Variants in TYW1 observed in about 807,000 individuals in gnomAD.
TYW1 encodes the protein tRNA-yW synthesizing protein 1 homolog, also known as S-adenosyl-L-methionine-dependent tRNA 4-demethylwyosine synthase TYW1.
A neutral mutation model predicts 96.2 loss-of-function variants in TYW1; 46 were observed. That is an observed-to-expected ratio of 0.48 (90% CI 0.38 to 0.61). The LOEUF (loss-of-function observed/expected upper bound fraction) is 0.61, where lower values mean the gene tolerates loss of function less well. Ranked by LOEUF, TYW1 falls within the 20% of genes least tolerant of loss-of-function variation. The pLI is 0.00. For missense variants in TYW1, 684 were observed against 909.6 expected (o/e 0.75, Z 3.19); for synonymous variants, 274 against 323.0 (o/e 0.85, Z 1.63).
chr7:67,000,241 C>T (rs1793337037), intron 3 of TYW1, among the ~76,000 whole-genome samples: 1 of 151,762 alleles, frequency 6.6e-6, no homozygotes, highest in African/African-American at 2.4e-5. Flanking sequence ...CAGTCCCATT[C>T]TCTAATTATA....
chr7:67,064,856 A>G (rs1163044533), intron 9 of TYW1, among the ~76,000 whole-genome samples: 2 of 152,254 alleles, frequency 1.3e-5, no homozygotes, highest in African/African-American at 4.8e-5. Context: ...ACCAACAGAA[A>G]AAAATAAAAG....
intron 13 of TYW1, among the ~76,000 whole-genome samples, chr7:67,172,261 C>T (rs184285650): frequency 1.0e-3 from 154 of 150,684 alleles, no homozygotes; most frequent in African/African-American, 3.5e-3. Context: ...TAGTGATTGA[C>T]GCAGGCATGC....
intron 10 of TYW1, among the ~76,000 whole-genome samples, chr7:67,075,501 A>G (rs748151194): frequency 5.3e-5 from 8 of 152,240 alleles, no homozygotes; most frequent in Non-Finnish European, 7.3e-5. Flanking sequence ...TTAACTGATG[A>G]ACATGTGGTG....
At chr7:67,136,650 CGTGTGTGTGTGTGTGTGTGTGT>C (rs59522817) in intron 13 of TYW1, among the ~76,000 whole-genome samples, 2 of 143,964 alleles carry the variant, frequency 1.4e-5, no homozygotes, top group African/African-American at 2.5e-5. Context: ...TTATACAGTG[CGTGTGTGTGTGTGTGTGTGTGT>C]GTGTGTGTGT....
At chr7:67,008,990 T>G (rs1793696999) in intron 3 of TYW1, among the ~76,000 whole-genome samples, 1 of 152,078 alleles carries the variant, frequency 6.6e-6, no homozygotes, top group Admixed American at 6.6e-5. Context: ...TTTGCACTTC[T>G]CTGTGTTTAT....
chr7:67,038,236 G>A (rs960532685), intron 7 of TYW1, among the ~76,000 whole-genome samples: 1 of 152,172 alleles, frequency 6.6e-6, no homozygotes, highest in African/African-American at 2.4e-5. Flanking sequence ...TTGGGAGGCA[G>A]GGGTTGCAGT....
intron 13 of TYW1, among the ~76,000 whole-genome samples, chr7:67,173,541 G>A (rs1273922846): frequency 6.6e-6 from 1 of 152,136 alleles, no homozygotes; most frequent in Non-Finnish European, 1.5e-5. Flanking sequence ...AGATTGATTA[G>A]TAGATTTTCT....
chr7:67,111,010 A>G (rs1337913609), intron 12 of TYW1, among the ~76,000 whole-genome samples: 1 of 152,100 alleles, frequency 6.6e-6, no homozygotes, highest in African/African-American at 2.4e-5. Context: ...GTCGCAAAAA[A>G]TAAATAAAAA....
At chr7:67,233,699 C>T (rs557611494) in intron 15 of TYW1, among the ~76,000 whole-genome samples, 2 of 136,174 alleles carry the variant, frequency 1.5e-5, no homozygotes, top group Admixed American at 7.4e-5. Flanking sequence ...TGTCTCTCAG[C>T]GCTGTTTGTG....
chr7:67,145,709 G>A (rs1798589017), intron 13 of TYW1, among the ~76,000 whole-genome samples: 1 of 152,060 alleles, frequency 6.6e-6, no homozygotes, highest in Admixed American at 6.6e-5. Flanking sequence ...ATTTCAAGTA[G>A]TATTTTTCAA....
Position 67,049,688 on chromosome 7 carries a change from A to G in TYW1, c.985-261A>G, listed in dbSNP as rs960892211. Among the ~76,000 whole-genome samples, 10 of 152,188 alleles carry G rather than the reference A, an allele frequency of 6.6e-5. No individual in the cohort carries two copies. In the South Asian group the frequency reaches 1.9e-3, roughly 28 times the overall value. On this transcript the variant is annotated intron_variant, in intron 7 of 15. Coordinates refer to ENST00000359626, the MANE Select transcript of TYW1 (RefSeq NM_018264.4). The stretch of plus-strand genomic sequence containing the variant: ...CAGCCTCCTGAGTAGCTGGGATTAC[A>G]GGTGTGAGCCACCATCCCCAGCTAA...
At position 67,149,723 on chromosome 7, in the gene TYW1, TATCTATCTATCTATC is replaced by T. The variant is rs1798733131; in HGVS notation, c.1698+32106_1698+32120del. ...GAGCTTGTCAAAAAAGGAAAAAAAA[TATCTATCTATCTATC>T]TATCTATCTATCTATCTATCTATCT... On this transcript the variant is annotated intron_variant, in intron 13 of 15. Coordinates refer to ENST00000359626, the MANE Select transcript of TYW1 (RefSeq NM_018264.4). 2.5e-4 allele frequency among the ~76,000 whole-genome samples: 4 copies of T among 15,916 alleles called. 1 individual carries two copies. In the Admixed American group the frequency reaches 3.6e-3, roughly 14 times the overall value. The allele number at this position is 15,916 out of a possible 152,430, so 10.4% of individuals were successfully genotyped here. A position where few individuals can be genotyped will look rare whatever the true frequency, so the allele number is the denominator to read the frequency against.
At chr7:67,145,340 G>A (rs1406698846) in intron 13 of TYW1, among the ~76,000 whole-genome samples, 5 of 151,654 alleles carry the variant, frequency 3.3e-5, no homozygotes, top group South Asian at 2.1e-4. Context: ...TAATAGAGAC[G>A]GGGTTTCACC....
intron 12 of TYW1, among the ~76,000 whole-genome samples, chr7:67,112,399 T>C (rs1436362063): frequency 6.6e-6 from 1 of 152,058 alleles, no homozygotes; most frequent in East Asian, 1.9e-4. Flanking sequence ...GCAGATCACC[T>C]GAGGCCAGGA....
At chr7:67,126,425 G>A (rs1429014383) in intron 13 of TYW1, among the ~76,000 whole-genome samples, 1 of 152,050 alleles carries the variant, frequency 6.6e-6, no homozygotes, top group Non-Finnish European at 1.5e-5. Context: ...CCAGTCTGTA[G>A]CTTGTCTTTT....
intron 14 of TYW1, among the ~76,000 whole-genome samples, chr7:67,183,561 TG>T (rs952987550): frequency 6.6e-6 from 1 of 152,216 alleles, no homozygotes; most frequent in Admixed American, 6.5e-5. Flanking sequence ...AGTAATTGGT[TG>T]GCTTTTACAT....
chr7:67,094,957 T>C (rs957513879), intron 11 of TYW1, among the ~76,000 whole-genome samples: 1 of 151,628 alleles, frequency 6.6e-6, no homozygotes, highest in African/African-American at 2.4e-5. Flanking sequence ...CTGGTGGAGA[T>C]TGCTGGTGGG....
At chr7:67,032,831 GTCTT>G (rs1794709404) in intron 7 of TYW1, among the ~76,000 whole-genome samples, 2 of 138,228 alleles carry the variant, frequency 1.4e-5, no homozygotes, top group African/African-American at 5.5e-5. Context: ...AAGTGTACTT[GTCTT>G]TCTTTTTCCT....
At chr7:67,187,667 A>G (rs1187970836) in intron 14 of TYW1, among the ~76,000 whole-genome samples, 1 of 152,358 alleles carries the variant, frequency 6.6e-6, no homozygotes, top group Middle Eastern at 3.4e-3. Context: ...TTATTATGCA[A>G]TTCCATTTTT....
Sources: allele counts gnomAD v4.1 joint callset (sites outside exome capture counted in the v4.1 genomes callset), GRCh38; gene constraint gnomAD v4.1.1; transcripts MANE v1.5; gene names NCBI Gene and HGNC (gene_info 2026-07-23, HGNC 2026-07-21).